MAPK10: variants seen among roughly 807,000 people sequenced by gnomAD.
MAPK10 encodes JNK3 alpha protein kinase.
MAPK10 carries 25 observed loss-of-function variants against 59.3 expected under a neutral mutation model. That is an observed-to-expected ratio of 0.42 (90% CI 0.31 to 0.59). The LOEUF (loss-of-function observed/expected upper bound fraction) is 0.59, where lower values mean the gene tolerates loss of function less well. Ranked by LOEUF, MAPK10 falls within the 20% of genes least tolerant of loss-of-function variation. The pLI is 0.15. For synonymous variants in MAPK10, 190 were observed against 200.5 expected (o/e 0.95, Z 0.44); for missense variants, 351 against 568.9 (o/e 0.62, Z 3.90).
chr4:86,328,913 A>C (rs1045296339), intron 2 of MAPK10, among the ~76,000 whole-genome samples: 1 of 152,146 alleles, frequency 6.6e-6, no homozygotes, highest in African/African-American at 2.4e-5. Context: ...GGGGGCATCA[A>C]ACCTAGATGA....
intron 1 of MAPK10, among the ~76,000 whole-genome samples, chr4:86,391,208 T>C (rs1048060032): frequency 3.9e-5 from 6 of 152,210 alleles, no homozygotes; most frequent in African/African-American, 1.4e-4. Flanking sequence ...GTACATAAAA[T>C]TATATTTGAA....
intron 1 of MAPK10, among the ~76,000 whole-genome samples, chr4:86,585,878 A>G (rs1762621915): frequency 6.6e-6 from 1 of 152,228 alleles, no homozygotes; most frequent in African/African-American, 2.4e-5. Flanking sequence ...ATGCCTGTTT[A>G]AATTAAATGC....
In MAPK10 at chr4:86,327,348, G is replaced by A. The variant is rs573286757; in HGVS notation, c.-7+27182C>T. ...ATTCCAAGTGAAGTTTACCAAACAG[G>A]GATACCTTTAATTTTTTTTTAGCAC... On this transcript the variant is annotated intron_variant, in intron 2 of 13. Coordinates refer to ENST00000641462, the MANE Select transcript of MAPK10 (RefSeq NM_138982.4). 18 of 151,838 alleles carry A rather than the reference G, an allele frequency of 1.2e-4. No individual in the cohort carries two copies. The East Asian group carries it at 3.5e-3, about 29-fold the overall frequency. The allele number at this position is 151,838 out of a possible 1,614,324, so 9.4% of individuals were successfully genotyped here.
intron 2 of MAPK10, among the ~76,000 whole-genome samples, chr4:86,208,600 A>C (rs2084859177): frequency 6.6e-6 from 1 of 151,988 alleles, no homozygotes; most frequent in Admixed American, 6.6e-5. Flanking sequence ...CAAAATAATA[A>C]GAGCTATCTA....
intron 2 of MAPK10, among the ~76,000 whole-genome samples, chr4:86,256,922 T>C (rs1189509760): frequency 6.6e-6 from 1 of 151,090 alleles, no homozygotes; most frequent in Non-Finnish European, 1.5e-5. Flanking sequence ...CCGTCTAATT[T>C]TTTGTATTTT....
intron 1 of MAPK10, among the ~76,000 whole-genome samples, chr4:86,427,355 C>T (rs1260720591): frequency 6.6e-6 from 1 of 151,888 alleles, no homozygotes; most frequent in Non-Finnish European, 1.5e-5. Context: ...AACGATGCAA[C>T]GTTCACCTTT....
At chr4:86,288,582 G>T (rs552650857) in intron 2 of MAPK10, among the ~76,000 whole-genome samples, 2 of 151,966 alleles carry the variant, frequency 1.3e-5, no homozygotes. Context: ...AACACCAGAG[G>T]TTCCTTGAAT....
At chr4:86,179,574 T>C (rs533975587) in intron 3 of MAPK10, among the ~76,000 whole-genome samples, 6 of 152,032 alleles carry the variant, frequency 3.9e-5, no homozygotes, top group East Asian at 1.9e-4. Flanking sequence ...AAGCTAAAGA[T>C]ATTACGCCAC....
At chr4:86,249,400 A>C (rs2093300536) in intron 2 of MAPK10, among the ~76,000 whole-genome samples, 1 of 152,172 alleles carries the variant, frequency 6.6e-6, no homozygotes, top group South Asian at 2.1e-4. Context: ...ATTAGCTGCT[A>C]AAACAAGTAG....
chr4:86,351,654 G>A (rs534050047), intron 2 of MAPK10, among the ~76,000 whole-genome samples: 21 of 151,420 alleles, frequency 1.4e-4, no homozygotes, highest in African/African-American at 3.9e-4. Context: ...TCCAAACACC[G>A]AGAAACTGAA....
At position 86,501,679 on chromosome 4, in the gene MAPK10, T is replaced by C. The variant is rs571336825; in HGVS notation, c.-263+92231A>G. Among the ~76,000 whole-genome samples the C allele has an allele frequency of 1.0e-4, 15 of 146,708 alleles. No individual in the cohort carries two copies. In the East Asian group the frequency reaches 2.3e-3, roughly 23 times the overall value. On this transcript the variant is annotated intron_variant, in intron 1 of 4. Transcript: ENST00000502302. ...GCATTTGTATGCATGTGTGTGTGCA[T>C]GCACACACACACACACACACACACT...
At chr4:86,451,326 A>G (rs185803264) in intron 1 of MAPK10, among the ~76,000 whole-genome samples, 1 of 152,336 alleles carries the variant, frequency 6.6e-6, no homozygotes, top group African/African-American at 2.4e-5. Flanking sequence ...GTGATGAATT[A>G]TTAAATAGAG....
At chr4:86,359,263 C>CT (rs1554248207) in intron 1 of MAPK10, among the ~76,000 whole-genome samples, 613 of 53,462 alleles carry the variant, frequency 0.011, 28 homozygotes, top group African/African-American at 0.035. Context: ...TTTTTTTTTT[C>CT]CTCTCTCTCT....
chr4:86,406,031 A>T (rs1253049675), intron 1 of MAPK10, among the ~76,000 whole-genome samples: 2 of 152,210 alleles, frequency 1.3e-5, no homozygotes, highest in Non-Finnish European at 2.9e-5. Flanking sequence ...GTAAATGATT[A>T]ATATAAGACT....
At chr4:86,197,696 T>C (rs1023832423) in intron 2 of MAPK10, among the ~76,000 whole-genome samples, 1 of 152,068 alleles carries the variant, frequency 6.6e-6, no homozygotes, top group Non-Finnish European at 1.5e-5. Flanking sequence ...AGAGGGAAGG[T>C]CTGAATTGCA....
chr4:86,370,373 A>C (rs996942729), intron 1 of MAPK10, among the ~76,000 whole-genome samples: 4 of 152,146 alleles, frequency 2.6e-5, no homozygotes, highest in African/African-American at 9.7e-5. Flanking sequence ...AGAAATAGAT[A>C]ACAAATTTAA....
intron 1 of MAPK10, among the ~76,000 whole-genome samples, chr4:86,588,003 G>A (rs753909880): frequency 6.6e-6 from 1 of 152,128 alleles, no homozygotes; most frequent in Non-Finnish European, 1.5e-5. Flanking sequence ...ACTCCAGCCT[G>A]AGCAAGAGAG....
At chr4:86,296,343 G>A (rs898512378) in intron 2 of MAPK10, among the ~76,000 whole-genome samples, 2 of 152,076 alleles carry the variant, frequency 1.3e-5, no homozygotes, top group Admixed American at 6.6e-5. Context: ...AGAAGTGGTA[G>A]GGAAGAACAG....
At chr4:86,022,158 C>G (rs72988022) in intron 13 of MAPK10, among the ~76,000 whole-genome samples, 11,441 of 152,280 alleles carry the variant, frequency 0.075, 510 homozygotes, top group African/African-American at 0.084. Context: ...ACTGCCAGCA[C>G]GCTCTCACCT....
Sources: gnomAD v4.1 joint callset for allele counts (sites outside exome capture counted in the v4.1 genomes callset) on GRCh38, gnomAD v4.1.1 for gene constraint, MANE v1.5 for transcripts, NCBI Gene and HGNC (gene_info 2026-07-23, HGNC 2026-07-21) for gene names.